KCNH5: variants seen among roughly 807,000 people sequenced by gnomAD.
The protein encoded by KCNH5 is potassium voltage-gated channel subfamily H member 5, also known as voltage-gated delayed rectifier potassium channel KCNH5.
A neutral mutation model predicts 96.1 loss-of-function variants in KCNH5; 46 were observed. That is an observed-to-expected ratio of 0.48 (90% CI 0.38 to 0.61). KCNH5 has a LOEUF of 0.61. Ranked by LOEUF, KCNH5 falls within the 20% of genes least tolerant of loss-of-function variation. KCNH5 has a pLI of 0.00. For missense variants in KCNH5, 907 were observed against 1,225.8 expected (o/e 0.74, Z 3.88); for synonymous variants, 439 against 449.8 (o/e 0.98, Z 0.30).
At position 63,001,352 on chromosome 14, in the gene KCNH5, T is replaced by C. The variant is rs934408514; in HGVS notation, c.412A>G (p.Ile138Val). 5.0e-6 allele frequency: 8 copies of C among 1,609,662 alleles called. No homozygotes were observed. The highest frequency in any genetic ancestry group is 4.5e-5 in the East Asian group (2 of 44,690). ...TTACCTTTTGTTGAATCATCCTCTA[T>C]TGGCTGTTTGAACAACGTAATATCC... ...FKDITLFKQP[I>V]EDDSTKGWTK... is the part of the protein sequence containing the mutation. The change falls in exon 4 of 11, where the codon ATA (isoleucine) becomes GTA (valine). Residue 138 changes from isoleucine (I) to valine (V), a missense_variant. Transcript: ENST00000322893.
intron 7 of KCNH5, among the ~76,000 whole-genome samples, chr14:62,904,266 T>A (rs1408479919): frequency 6.6e-6 from 1 of 152,210 alleles, no homozygotes; most frequent in East Asian, 1.9e-4. Context: ...GTACCTATTT[T>A]TCCTTCGCTG....
intron 7 of KCNH5, among the ~76,000 whole-genome samples, chr14:62,890,851 TGAATAGCTATTATTAAAAAGTCA>T (rs200201909): frequency 0.011 from 1,683 of 152,244 alleles, 40 homozygotes; most frequent in East Asian, 0.098. Context: ...ATACCATCTC[TGAATAGCTATTATTAAAAAGTCA>T]GAATAGCTAT....
intron 7 of KCNH5, among the ~76,000 whole-genome samples, chr14:62,889,288 C>G (rs1289626992): frequency 1.3e-5 from 2 of 152,178 alleles, no homozygotes; most frequent in Non-Finnish European, 2.9e-5. Flanking sequence ...ACACACTGTT[C>G]TAGGCACTGA....
At chr14:62,991,431 A>C (rs1284853411) in intron 4 of KCNH5, among the ~76,000 whole-genome samples, 5 of 152,026 alleles carry the variant, frequency 3.3e-5, no homozygotes. Flanking sequence ...GTGGTGGCAA[A>C]TGTTGAACTG....
intron 1 of KCNH5, among the ~76,000 whole-genome samples, chr14:63,039,855 T>C (rs1408410976): frequency 6.6e-6 from 1 of 151,042 alleles, no homozygotes; most frequent in Non-Finnish European, 1.5e-5. Flanking sequence ...CTAACTACAT[T>C]GACTCCCTCC....
chr14:62,802,634 C>G (rs1047899640), intron 8 of KCNH5, 53 bp from the exon 9 acceptor site: 10 of 1,583,426 alleles, frequency 6.3e-6, no homozygotes, highest in Non-Finnish European at 8.6e-6. Flanking sequence ...GGGGCCACTT[C>G]AGAAAAACAA....
chr14:62,987,529 C>A lies in KCNH5; in HGVS notation c.434-342G>T, dbSNP rs889233283. 7.2e-5 allele frequency among the ~76,000 whole-genome samples: 11 copies of A among 152,174 alleles called. No homozygotes were observed. The East Asian group carries it at 1.9e-3, about 27-fold the overall frequency. ...GCTGTCCAATTAGGAACATACTTCC[C>A]AGAATTTCTTGCATCTCAGTATGGC... On this transcript the variant is annotated intron_variant, in intron 4 of 10. Coordinates refer to ENST00000322893, the MANE Select transcript of KCNH5 (RefSeq NM_139318.5).
chr14:62,818,109 C>CGGGGG (rs561437417), intron 8 of KCNH5, among the ~76,000 whole-genome samples: 1 of 36,128 alleles, frequency 2.8e-5, no homozygotes, highest in African/African-American at 1.0e-4. Context: ...GAGCTGGGGG[C>CGGGGG]GGGGGGGGGG....
intron 10 of KCNH5, among the ~76,000 whole-genome samples, chr14:62,724,713 G>A (rs1167721378): frequency 6.6e-6 from 1 of 152,218 alleles, no homozygotes; most frequent in Non-Finnish European, 1.5e-5. Flanking sequence ...TTGCTGGCCA[G>A]TAATTGACCT....
chr14:62,877,300 TAA>T, intron 7 of KCNH5, among the ~76,000 whole-genome samples: 1 of 151,648 alleles, frequency 6.6e-6, no homozygotes, highest in South Asian at 2.1e-4. Context: ...ACTTCATGTC[TAA>T]AACACCAAAA....
chr14:62,939,800 C>T (rs61995068), intron 7 of KCNH5, among the ~76,000 whole-genome samples: 4,285 of 152,026 alleles, frequency 0.028, 88 homozygotes, highest in Admixed American at 0.048. Context: ...ATTAGCCAGA[C>T]GTGGTGGTGC....
intron 7 of KCNH5, among the ~76,000 whole-genome samples, chr14:62,930,258 A>C (rs1889555541): frequency 6.6e-6 from 1 of 152,096 alleles, no homozygotes; most frequent in Non-Finnish European, 1.5e-5. Flanking sequence ...CACAGTGTAG[A>C]AGCTTTGTTT....
intron 10 of KCNH5, among the ~76,000 whole-genome samples, chr14:62,737,951 C>T (rs1885193419): frequency 1.3e-5 from 2 of 152,200 alleles, no homozygotes; most frequent in South Asian, 4.1e-4. Context: ...ATACATTTTT[C>T]CTATACCCGC....
At chr14:62,771,555 G>A (rs1885988216) in intron 10 of KCNH5, among the ~76,000 whole-genome samples, 1 of 152,138 alleles carries the variant, frequency 6.6e-6, no homozygotes, top group Admixed American at 6.5e-5. Context: ...AACCCGGGAG[G>A]CAGAGCTTGC....
intron 7 of KCNH5, among the ~76,000 whole-genome samples, chr14:62,924,916 G>A (rs771591528): frequency 1.2e-3 from 185 of 152,060 alleles, no homozygotes; most frequent in Non-Finnish European, 1.7e-3. Context: ...CAATAATAGT[G>A]TATACTTGAA....
intron 10 of KCNH5, among the ~76,000 whole-genome samples, chr14:62,773,431 T>C (rs1886032213): frequency 6.6e-6 from 1 of 152,142 alleles, no homozygotes; most frequent in Admixed American, 6.6e-5. Flanking sequence ...AGAATAACCC[T>C]CTCGTAGCAC....
chr14:62,771,283 G>T (rs1052777616), intron 10 of KCNH5, among the ~76,000 whole-genome samples: 13 of 152,170 alleles, frequency 8.5e-5, no homozygotes, highest in Non-Finnish European at 1.9e-4. Flanking sequence ...TTGGCAAGGG[G>T]TACCAGACTA....
intron 7 of KCNH5, among the ~76,000 whole-genome samples, chr14:62,908,331 T>C (rs911419162): frequency 6.6e-6 from 1 of 152,150 alleles, no homozygotes; most frequent in African/African-American, 2.4e-5. Flanking sequence ...AGCACAGACA[T>C]GACAGACGGA....
chr14:63,045,068 T>G, intron 1 of KCNH5, 46 bp downstream of exon 1: 1 of 1,439,538 alleles, frequency 6.9e-7, no homozygotes. Context: ...GGGGCGCGTG[T>G]GGGCGGGATG....
Sources: allele counts gnomAD v4.1 joint callset (sites outside exome capture counted in the v4.1 genomes callset), GRCh38; gene constraint gnomAD v4.1.1; transcripts MANE v1.5; gene names NCBI Gene and HGNC (gene_info 2026-07-23, HGNC 2026-07-21).